Variants in KLHL32 observed in about 807,000 individuals in gnomAD.
KLHL32 encodes kelch like family member 32, also known as kelch-like protein 32.
KLHL32 carries 35 observed loss-of-function variants against 64.8 expected under a neutral mutation model. The ratio of observed to expected loss-of-function variants is 0.54; its 90% CI spans 0.41 to 0.72. The LOEUF (loss-of-function observed/expected upper bound fraction) is 0.72, where lower values mean the gene tolerates loss of function less well. KLHL32 is among the 30% of genes least tolerant of loss of function. The probability of loss-of-function intolerance (pLI) is 0.00; values close to 1 mark genes in which losing one functional copy is unlikely to be tolerated. For missense variants in KLHL32, 589 were observed against 768.5 expected (o/e 0.77, Z 2.76); for synonymous variants, 259 against 281.0 (o/e 0.92, Z 0.78).
chr6:97,103,415 A>C (rs182437519), intron 6 of KLHL32, among the ~76,000 whole-genome samples: 1 of 152,032 alleles, frequency 6.6e-6, no homozygotes, highest in Non-Finnish European at 1.5e-5. Flanking sequence ...GGGTTTCACC[A>C]TGTTAGCCAG....
chr6:97,116,378 G>T (rs764155419), intron 7 of KLHL32, among the ~76,000 whole-genome samples: 3 of 152,012 alleles, frequency 2.0e-5, no homozygotes, highest in Non-Finnish European at 2.9e-5. Context: ...CAGCAAATAA[G>T]TCTTTGCTAA....
At chr6:97,071,721 C>G (rs1790751325) in intron 5 of KLHL32, among the ~76,000 whole-genome samples, 1 of 152,160 alleles carries the variant, frequency 6.6e-6, no homozygotes, top group Non-Finnish European at 1.5e-5. Flanking sequence ...CTCATGAATT[C>G]CACTAAATAG....
At chr6:96,984,897 G>T (rs1440784719) in intron 3 of KLHL32, among the ~76,000 whole-genome samples, 1 of 152,182 alleles carries the variant, frequency 6.6e-6, no homozygotes, top group African/African-American at 2.4e-5. Flanking sequence ...TGTTATGTGT[G>T]AATTTGATCC....
At chr6:96,901,915 T>G in the KLHL32 span, among the ~76,000 whole-genome samples, 1 of 152,260 alleles carries the variant, frequency 6.6e-6, no homozygotes, top group South Asian at 2.1e-4. Flanking sequence ...GGACATGATC[T>G]TATTCCTTTT....
At chr6:97,118,178 C>T (rs1227484835) in intron 7 of KLHL32, among the ~76,000 whole-genome samples, 1 of 151,944 alleles carries the variant, frequency 6.6e-6, no homozygotes. Flanking sequence ...TTGCATTGCC[C>T]CATTTTAAAT....
intron 3 of KLHL32, among the ~76,000 whole-genome samples, chr6:97,014,489 T>C (rs1780869191): frequency 1.3e-5 from 2 of 152,042 alleles, no homozygotes; most frequent in Admixed American, 6.6e-5. Flanking sequence ...AGTGAAAAAA[T>C]GTTTCAAGAA....
At chr6:96,930,040 C>T (rs935687277) in intron 1 of KLHL32, among the ~76,000 whole-genome samples, 4 of 152,054 alleles carry the variant, frequency 2.6e-5, no homozygotes, top group Non-Finnish European at 4.4e-5. Flanking sequence ...TAAGCCAGTA[C>T]CAGTTACTTA....
intron 1 of KLHL32, among the ~76,000 whole-genome samples, chr6:96,930,254 C>T (rs1247110971): frequency 1.3e-5 from 2 of 152,152 alleles, no homozygotes; most frequent in African/African-American, 2.4e-5. Context: ...AAAATCATTA[C>T]TTAGAAACCT....
At chr6:96,982,618 A>G (rs1776456487) in intron 3 of KLHL32, among the ~76,000 whole-genome samples, 1 of 152,138 alleles carries the variant, frequency 6.6e-6, no homozygotes, top group African/African-American at 2.4e-5. Context: ...TTGGATTCCT[A>G]GGTATTTTAT....
At chr6:97,009,948 A>G (rs1440354853) in intron 3 of KLHL32, among the ~76,000 whole-genome samples, 1 of 152,092 alleles carries the variant, frequency 6.6e-6, no homozygotes, top group Non-Finnish European at 1.5e-5. Context: ...GGGCATTGTC[A>G]GTGAGAGGGC....
At chr6:97,001,353 T>C (rs1779010493) in intron 3 of KLHL32, among the ~76,000 whole-genome samples, 1 of 152,230 alleles carries the variant, frequency 6.6e-6, no homozygotes, top group South Asian at 2.1e-4. Context: ...TTTTATTAAT[T>C]AAATTTTTAA....
At chr6:96,982,939 G>C (rs112802269) in intron 3 of KLHL32, among the ~76,000 whole-genome samples, 1 of 152,138 alleles carries the variant, frequency 6.6e-6, no homozygotes, top group African/African-American at 2.4e-5. Context: ...TGGTGAGAGA[G>C]GGCATCCCTG....
chr6:97,058,511 T>G (rs1348265917), intron 4 of KLHL32, among the ~76,000 whole-genome samples: 1 of 152,226 alleles, frequency 6.6e-6, no homozygotes, highest in East Asian at 1.9e-4. Context: ...TCTTTTTTCT[T>G]TATATAGAAC....
chr6:96,945,471 G>A (rs557202731), intron 1 of KLHL32, among the ~76,000 whole-genome samples: 39 of 152,300 alleles, frequency 2.6e-4, no homozygotes, highest in African/African-American at 8.4e-4. Context: ...GTGGGCCAGC[G>A]TCAGAGCAAA....
chr6:97,084,235 A>T (rs1209081979), intron 5 of KLHL32, among the ~76,000 whole-genome samples: 2 of 152,212 alleles, frequency 1.3e-5, no homozygotes, highest in Non-Finnish European at 2.9e-5. Context: ...GTAAGTTAAA[A>T]GTGAGGGGAA....
At chr6:96,914,861 C>A in the KLHL32 span, 1 of 152,062 alleles carries the variant, frequency 6.6e-6, no homozygotes, top group Non-Finnish European at 1.5e-5. Flanking sequence ...CGGGAGGTGA[C>A]CATATTAATG....
chr6:97,075,053 A>C (rs1336878890), intron 5 of KLHL32, among the ~76,000 whole-genome samples: 1 of 152,088 alleles, frequency 6.6e-6, no homozygotes, highest in African/African-American at 2.4e-5. Flanking sequence ...CTTACTAGAG[A>C]ATTTCCCAAG....
intron 2 of KLHL32, among the ~76,000 whole-genome samples, chr6:96,969,227 C>T (rs1774843390): frequency 6.6e-6 from 1 of 152,218 alleles, no homozygotes. Flanking sequence ...TTCATGGCCA[C>T]ACCTCAGACC....
At chr6:96,998,299 C>T (rs1413041724) in intron 3 of KLHL32, among the ~76,000 whole-genome samples, 1 of 152,124 alleles carries the variant, frequency 6.6e-6, no homozygotes, top group Non-Finnish European at 1.5e-5. Context: ...CTAAGCAGTC[C>T]CTGGGCTCGA....
Sources: gnomAD v4.1 joint callset for allele counts (sites outside exome capture counted in the v4.1 genomes callset) on GRCh38, gnomAD v4.1.1 for gene constraint, MANE v1.5 for transcripts, NCBI Gene and HGNC (gene_info 2026-07-23, HGNC 2026-07-21) for gene names.